Variants in IGSF11 observed in about 807,000 individuals in gnomAD.
IGSF11 encodes CXADR like 1.
IGSF11 carries 22 observed loss-of-function variants against 41.0 expected under a neutral mutation model. That is an observed-to-expected ratio of 0.54 (90% CI 0.38 to 0.77). The LOEUF (loss-of-function observed/expected upper bound fraction) is 0.77, where lower values mean the gene tolerates loss of function less well. IGSF11 is among the 30% of genes least tolerant of loss of function. The pLI is 0.00. For synonymous variants in IGSF11, 219 were observed against 201.3 expected, an observed-to-expected ratio of 1.09 and a Z score of -0.74; for missense variants, 444 against 530.8, an observed-to-expected ratio of 0.84 and a Z score of 1.61.
intron 1 of IGSF11, among the ~76,000 whole-genome samples, chr3:118,948,548 T>C (rs991268703): frequency 1.1e-4 from 17 of 152,086 alleles, no homozygotes; most frequent in African/African-American, 3.9e-4. Context: ...AGGGTGGTAA[T>C]AGTCAATGAG....
intron 1 of IGSF11, among the ~76,000 whole-genome samples, chr3:119,072,871 G>A (rs2076423494): frequency 1.3e-5 from 2 of 152,130 alleles, no homozygotes; most frequent in Admixed American, 1.3e-4. Context: ...CCCTAGTCTG[G>A]CCCCACCCAC....
intron 1 of IGSF11, among the ~76,000 whole-genome samples, chr3:118,986,343 A>C (rs1935255371): frequency 6.6e-6 from 1 of 152,154 alleles, no homozygotes; most frequent in Admixed American, 6.5e-5. Flanking sequence ...TTTCTAAAAG[A>C]AGCTGCCTTC....
chr3:118,982,934 AT>A (rs1298775293), intron 1 of IGSF11, among the ~76,000 whole-genome samples: 1 of 152,196 alleles, frequency 6.6e-6, no homozygotes, highest in African/African-American at 2.4e-5. Flanking sequence ...TCAGTCTAGT[AT>A]CACCTTGTGA....
chr3:119,032,070 CAA>C (rs749268604), intron 1 of IGSF11, among the ~76,000 whole-genome samples: 10 of 152,088 alleles, frequency 6.6e-5, no homozygotes, highest in Non-Finnish European at 1.2e-4. Context: ...AACAAAATAA[CAA>C]TAAGAAAACA....
At chr3:119,126,076 G>C (rs1047971121) in intron 1 of IGSF11, among the ~76,000 whole-genome samples, 1 of 152,240 alleles carries the variant, frequency 6.6e-6, no homozygotes, top group Non-Finnish European at 1.5e-5. Flanking sequence ...TGAGCTCCTC[G>C]AGGGAGGGGC....
intron 1 of IGSF11, among the ~76,000 whole-genome samples, chr3:119,145,044 T>C (rs557632286): frequency 3.0e-4 from 45 of 152,324 alleles, no homozygotes; most frequent in African/African-American, 1.0e-3. Flanking sequence ...CAAGCACTTC[T>C]TGAGCACCTA....
At chr3:119,009,810 T>C (rs1161321238) in intron 1 of IGSF11, among the ~76,000 whole-genome samples, 2 of 152,154 alleles carry the variant, frequency 1.3e-5, no homozygotes, top group Non-Finnish European at 2.9e-5. Context: ...TCATGCTACT[T>C]TCAACTACCA....
rs142857042 is a variant in IGSF11 at position 118,929,575 on chromosome 3, G to T, written c.216+537C>A. Among the ~76,000 whole-genome samples, 102 of 152,248 alleles carry T rather than the reference G, an allele frequency of 6.7e-4. 1 individual carries two copies. The highest frequency in any genetic ancestry group is 2.4e-3 in the African/African-American group (98 of 41,556). Reference sequence around the variant, plus strand: ...TTCTGCAGTGAGTTCTACAAATTATGTGTCTTTTTCCTGTAATTGATACAG... The same window carrying T: ...TTCTGCAGTGAGTTCTACAAATTATTTGTCTTTTTCCTGTAATTGATACAG... On this transcript the variant is annotated intron_variant, in intron 2 of 6. Coordinates refer to ENST00000393775, the MANE Select transcript of IGSF11 (RefSeq NM_001015887.3).
chr3:119,057,968 T>A (rs1941912187), intron 1 of IGSF11, among the ~76,000 whole-genome samples: 1 of 152,160 alleles, frequency 6.6e-6, no homozygotes, highest in Non-Finnish European at 1.5e-5. Context: ...ATACAAACAT[T>A]AATTCAAGGT....
At position 118,911,274 on chromosome 3, in the gene IGSF11, ACT is replaced by A. The variant is rs545459745; in HGVS notation, c.581-5558_581-5557del. On this transcript the variant is annotated intron_variant, in intron 4 of 6. Coordinates refer to ENST00000393775, the MANE Select transcript of IGSF11 (RefSeq NM_001015887.3). ...GAGGGCAAAAAAAAAGGGAGAAAAA[ACT>A]CAACTTCAGTTAGAATAACATCTTG... is the stretch of plus-strand genomic sequence containing the variant. Among the ~76,000 whole-genome samples, 29 of 152,256 alleles carry A rather than the reference ACT, an allele frequency of 1.9e-4. 1 individual carries two copies. The South Asian group carries it at 5.0e-3, about 26-fold the overall frequency.
intron 1 of IGSF11, among the ~76,000 whole-genome samples, chr3:119,134,429 CAGAG>C (rs2107542936): frequency 6.6e-6 from 1 of 152,244 alleles, no homozygotes; most frequent in South Asian, 2.1e-4. Context: ...AACAGACAAA[CAGAG>C]AGCCAAATCA....
At chr3:119,030,941 T>TA (rs1940336217) in intron 1 of IGSF11, among the ~76,000 whole-genome samples, 4 of 152,148 alleles carry the variant, frequency 2.6e-5, no homozygotes, top group Admixed American at 2.6e-4. Flanking sequence ...TAACAATAGA[T>TA]GTGGAATCCC....
intron 1 of IGSF11, among the ~76,000 whole-genome samples, chr3:118,939,173 T>C (rs1943492636): frequency 6.6e-6 from 1 of 152,206 alleles, no homozygotes; most frequent in South Asian, 2.1e-4. Flanking sequence ...TATTCTGGAC[T>C]ATAAAATGAA....
chr3:118,999,789 ATGAC>A (rs1936629785), intron 1 of IGSF11, among the ~76,000 whole-genome samples: 1 of 152,192 alleles, frequency 6.6e-6, no homozygotes. Flanking sequence ...TAGACCCAAA[ATGAC>A]AGAATGCTTT....
intron 1 of IGSF11, among the ~76,000 whole-genome samples, chr3:119,046,520 G>A (rs2107753808): frequency 6.6e-6 from 1 of 151,786 alleles, no homozygotes; most frequent in South Asian, 2.1e-4. Flanking sequence ...ATGTCTGATT[G>A]GTGTACCTGA....
chr3:119,047,647 G>C (rs544297755), intron 1 of IGSF11, among the ~76,000 whole-genome samples: 1,744 of 151,878 alleles, frequency 0.011, 28 homozygotes, highest in East Asian at 0.074. Context: ...CCAAGAGGAC[G>C]TAATAGACAT....
At chr3:118,912,529 T>C (rs895618683) in intron 4 of IGSF11, among the ~76,000 whole-genome samples, 2 of 152,160 alleles carry the variant, frequency 1.3e-5, no homozygotes, top group African/African-American at 4.8e-5. Context: ...GTATGGACAA[T>C]CATCCCTTTC....
At position 118,914,404 on chromosome 3, in the gene IGSF11, G is replaced by C. The variant is rs548199557; in HGVS notation, c.581-8686C>G. ...GCGCAGGCCAGTGGGTGCGCGCACC[G>C]TGTGCGAGCCGAAGCAGGGCGAGGC... On this transcript the variant is annotated intron_variant, in intron 4 of 6. Transcript: ENST00000393775. 5.3e-5 allele frequency among the ~76,000 whole-genome samples: 8 copies of C among 151,630 alleles called. No homozygotes were observed. The East Asian group carries it at 7.8e-4, about 15-fold the overall frequency.
chr3:119,141,104 T>C (rs1559888563), intron 1 of IGSF11, among the ~76,000 whole-genome samples: 1 of 128,158 alleles, frequency 7.8e-6, no homozygotes. Context: ...AAAAGATAAA[T>C]CAACAGAAAA....
Sources: allele counts gnomAD v4.1 joint callset (sites outside exome capture counted in the v4.1 genomes callset), GRCh38; gene constraint gnomAD v4.1.1; transcripts MANE v1.5; gene names NCBI Gene and HGNC (gene_info 2026-07-23, HGNC 2026-07-21).